The following MVB12B variants were observed in gnomAD, a reference collection of about 807,000 sequenced individuals.
MVB12B encodes multivesicular body subunit 12B, also known as ESCRT-I complex subunit MVB12B.
In MVB12B, 16 loss-of-function variants were observed where a neutral mutation model predicts 41.6. The ratio of observed to expected loss-of-function variants is 0.38; its 90% CI spans 0.26 to 0.58. MVB12B has a LOEUF of 0.58. MVB12B is among the 20% of genes least tolerant of loss of function. MVB12B has a pLI of 0.62. For synonymous variants in MVB12B, 133 were observed against 139.7 expected (o/e 0.95, Z 0.34); for missense variants, 274 against 380.2 (o/e 0.72, Z 2.32).
At position 126,366,206 on chromosome 9, in the gene MVB12B, C is replaced by T. The variant is rs118033518; in HGVS notation, c.205-14858C>T. Reference sequence around the variant, plus strand: ...CTTTGTATGCCCTACTCCCCAAAATCGTCCCTGCTTGCCATCTCCTCTTCA... The same window carrying T: ...CTTTGTATGCCCTACTCCCCAAAATTGTCCCTGCTTGCCATCTCCTCTTCA... On this transcript the variant is annotated intron_variant, in intron 2 of 9. Coordinates refer to ENST00000361171, the MANE Select transcript of MVB12B (RefSeq NM_033446.3). Among the ~76,000 whole-genome samples, 580 of 152,104 alleles carry T rather than the reference C, an allele frequency of 3.8e-3. 1 individual carries two copies. Among genetic ancestry groups the T allele is most frequent in the Middle Eastern group, 6.8e-3 (2 of 294 alleles).
intron 9 of MVB12B, among the ~76,000 whole-genome samples, chr9:126,496,785 A>G (rs1035030): frequency 0.98 from 149,881 of 152,206 alleles, 73,843 homozygotes; most frequent in Middle Eastern, 1. Context: ...GGAGCTGGGA[A>G]TCACTTGCCC....
chr9:126,394,875 A>G (rs1831062685), intron 5 of MVB12B, among the ~76,000 whole-genome samples: 1 of 152,230 alleles, frequency 6.6e-6, no homozygotes, highest in South Asian at 2.1e-4. Flanking sequence ...GAAACTGAAT[A>G]TGGTGAAAAT....
At chr9:126,354,256 C>T (rs1223969288) in intron 2 of MVB12B, among the ~76,000 whole-genome samples, 40 of 152,122 alleles carry the variant, frequency 2.6e-4, no homozygotes, top group Non-Finnish European at 1.0e-4. Flanking sequence ...ATTTTTCTCT[C>T]GGACTGTCAA....
rs1588184668 is a variant in MVB12B at position 126,452,648 on chromosome 9, G to A, written c.758-28721G>A. Among the ~76,000 whole-genome samples the A allele has an allele frequency of 4.6e-5, 7 of 152,266 alleles. No individual in the cohort carries two copies. In the South Asian group the frequency reaches 1.5e-3, roughly 32 times the overall value. Reference sequence around the variant, plus strand: ...AGAAAAGTGTGTGAACCCGGCAGAGGAAAGAAAGAGTTGTCAGAGCCCATT... The same window carrying A: ...AGAAAAGTGTGTGAACCCGGCAGAGAAAAGAAAGAGTTGTCAGAGCCCATT... On this transcript the variant is annotated intron_variant, in intron 7 of 9. Transcript: ENST00000361171.
intron 2 of MVB12B, among the ~76,000 whole-genome samples, chr9:126,341,089 G>A (rs893830296): frequency 2.0e-5 from 3 of 152,182 alleles, no homozygotes; most frequent in Admixed American, 6.5e-5. Flanking sequence ...GCAAGTAGCT[G>A]TATCACCTCT....
intron 3 of MVB12B, among the ~76,000 whole-genome samples, chr9:126,382,245 T>G (rs1830657686): frequency 6.6e-6 from 1 of 152,164 alleles, no homozygotes; most frequent in African/African-American, 2.4e-5. Context: ...TGGTGTTTTC[T>G]GAATATCGAC....
intron 9 of MVB12B, among the ~76,000 whole-genome samples, chr9:126,496,480 C>G (rs1833839157): frequency 9.0e-6 from 1 of 111,354 alleles, no homozygotes; most frequent in South Asian, 3.4e-4. Context: ...TTCACTCATT[C>G]CTGCATTCAT....
intron 1 of MVB12B, chr9:126,327,354 A>C: frequency 5.1e-5 from 50 of 983,080 alleles, no homozygotes; most frequent in Non-Finnish European, 5.8e-5. Context: ...CCACCTGGGC[A>C]CAGACTGGGA....
intron 7 of MVB12B, among the ~76,000 whole-genome samples, chr9:126,447,570 G>GT (rs1251191917): frequency 6.6e-6 from 1 of 151,862 alleles, no homozygotes; most frequent in Non-Finnish European, 1.5e-5. Context: ...GTTTTTTCAA[G>GT]TGTATTTAGT....
intron 6 of MVB12B, among the ~76,000 whole-genome samples, chr9:126,415,951 A>G (rs1426241602): frequency 6.6e-6 from 1 of 152,212 alleles, no homozygotes; most frequent in Non-Finnish European, 1.5e-5. Flanking sequence ...GGCAAGTGCA[A>G]AGGCCCTAAG....
Position 126,486,995 on chromosome 9 carries a change from A to G in MVB12B, c.873+2963A>G, listed in dbSNP as rs1160927011. Among the ~76,000 whole-genome samples the G allele has an allele frequency of 2.1e-5, 3 of 144,040 alleles. No individual in the cohort carries two copies. Among genetic ancestry groups the G allele is most frequent in the Non-Finnish European group, 4.5e-5 (3 of 66,468 alleles). The allele number at this position is 144,040 out of a possible 152,430, so 94.5% of individuals were successfully genotyped here. On this transcript the variant is annotated intron_variant, in intron 9 of 9. Coordinates refer to ENST00000361171, the MANE Select transcript of MVB12B (RefSeq NM_033446.3). The surrounding 1 kb of genome is among the most constrained non-coding windows in gnomAD (Gnocchi z 4.7). ...CCCTGCAAACCTTATTCTCTTCCCCACTCTAAGGACTGAAATCTGTGATTC... is the reference window on the plus strand; with the variant it reads ...CCCTGCAAACCTTATTCTCTTCCCCGCTCTAAGGACTGAAATCTGTGATTC...
chr9:126,366,475 A>G (rs1830185055), intron 2 of MVB12B, among the ~76,000 whole-genome samples: 1 of 152,200 alleles, frequency 6.6e-6, no homozygotes, highest in African/African-American at 2.4e-5. Flanking sequence ...ACTATTGTCC[A>G]CACTTTAACT....
chr9:126,370,135 T>A (rs552129256), intron 2 of MVB12B, among the ~76,000 whole-genome samples: 1 of 152,192 alleles, frequency 6.6e-6, no homozygotes, highest in Non-Finnish European at 1.5e-5. Flanking sequence ...AACAATGTTG[T>A]AAATAATATC....
At chr9:126,393,622 T>G (rs139743705) in intron 5 of MVB12B, among the ~76,000 whole-genome samples, 1 of 152,140 alleles carries the variant, frequency 6.6e-6, no homozygotes, top group African/African-American at 2.4e-5. Flanking sequence ...TCCTAAAATA[T>G]GGAGGGGCAG....
rs1167850172 is a variant in MVB12B at position 126,389,275 on chromosome 9, A to G, written c.409+2617A>G. ...TTTCACCCAGGGAACAGAGGAGCCC[A>G]AGCTGGCCACATAAGCCTTATGATC... On this transcript the variant is annotated intron_variant, in intron 4 of 9. Transcript: ENST00000361171. This position sits in a 1 kb window ranked among gnomAD's most constrained non-coding sequence, Gnocchi z 4.4. Among the ~76,000 whole-genome samples, 1 of 152,168 alleles carries G rather than the reference A, an allele frequency of 6.6e-6. No individual in the cohort carries two copies. Among genetic ancestry groups the G allele is most frequent in the Admixed American group, 6.5e-5 (1 of 15,270 alleles).
chr9:126,381,220 C>A, intron 3 of MVB12B, 49 bp downstream of exon 3: 1 of 1,279,094 alleles, frequency 7.8e-7, no homozygotes, highest in Non-Finnish European at 1.1e-6. Context: ...AAGTAATTTA[C>A]ATTCCTGTTT....
In MVB12B at chr9:126,376,419, AC is replaced by A; in HGVS notation, c.205-4642del. On this transcript the variant is annotated intron_variant, in intron 2 of 9. Coordinates refer to ENST00000361171, the MANE Select transcript of MVB12B (RefSeq NM_033446.3). The surrounding 1 kb of genome is among the most constrained non-coding windows in gnomAD (Gnocchi z 4.1). The stretch of plus-strand genomic sequence containing the variant: ...CTGAGCCTGTCCCCAGTGCCTGGTG[AC>A]CCTTTGTTGTGGGTTGGGATTTAAG... 1.0e-6 allele frequency: 1 copy of A among 981,188 alleles called. No homozygotes were observed. Among genetic ancestry groups the A allele is most frequent in the Non-Finnish European group, 1.4e-6 (1 of 709,348 alleles). The allele number at this position is 981,188 out of a possible 1,614,324, so 60.8% of individuals were successfully genotyped here. A position where few individuals can be genotyped will look rare whatever the true frequency, so the allele number is the denominator to read the frequency against.
chr9:126,336,750 G>GCATGCACA (rs1554766414), intron 1 of MVB12B, among the ~76,000 whole-genome samples: 2 of 33,702 alleles, frequency 5.9e-5, no homozygotes, highest in East Asian at 1.2e-3. Flanking sequence ...GTTTGTGTGT[G>GCATGCACA]CACGCACACA....
intron 9 of MVB12B, among the ~76,000 whole-genome samples, chr9:126,490,452 G>A (rs903292490): frequency 6.6e-5 from 10 of 152,160 alleles, no homozygotes; most frequent in Non-Finnish European, 8.8e-5. Context: ...AGTCCGGAGC[G>A]ACTTCCAGCC....
Sources: allele counts gnomAD v4.1 joint callset (sites outside exome capture counted in the v4.1 genomes callset), GRCh38; gene constraint gnomAD v4.1.1; non-coding constraint Gnocchi (gnomAD v3.1); transcripts MANE v1.5; gene names NCBI Gene and HGNC (gene_info 2026-07-23, HGNC 2026-07-21).